Variants in LAMA4 observed in about 807,000 individuals in gnomAD.
LAMA4 encodes the protein laminin subunit alpha-4.
In LAMA4, 127 loss-of-function variants were observed where a neutral mutation model predicts 207.1. The observed-to-expected ratio is 0.61, with a 90% CI of 0.53 to 0.71. The LOEUF (loss-of-function observed/expected upper bound fraction) is 0.71, where lower values mean the gene tolerates loss of function less well. LAMA4 is among the 30% of genes least tolerant of loss of function. The pLI, the probability that LAMA4 is intolerant of heterozygous loss-of-function variation, is 0.00. For missense variants in LAMA4, 2,093 were observed against 2,246.5 expected (o/e 0.93, Z 1.38); for synonymous variants, 761 against 816.0 (o/e 0.93, Z 1.15).
Position 112,109,709 on chromosome 6 carries a change from A to T in LAMA4, c.5327-127T>A, listed in dbSNP as rs1438980553. ...ATGATTTACATTTCAAAAATAGAAC[A>T]TAGTTATAATTGACTCATTTCTCAG... On this transcript the variant is annotated intron_variant, in intron 38 of 38. Coordinates refer to ENST00000230538, the MANE Select transcript of LAMA4 (RefSeq NM_001105206.3). 5 of 953,354 alleles carry T rather than the reference A, an allele frequency of 5.2e-6. No homozygotes were observed. The Admixed American group carries it at 6.1e-5, about 12-fold the overall frequency. The allele number at this position is 953,354 out of a possible 1,614,324, so 59.1% of individuals were successfully genotyped here. A position where few individuals can be genotyped will look rare whatever the true frequency, so the allele number is the denominator to read the frequency against.
intron 2 of LAMA4, among the ~76,000 whole-genome samples, chr6:112,222,611 G>A (rs58543421): frequency 6.6e-6 from 1 of 152,114 alleles, no homozygotes; most frequent in South Asian, 2.1e-4. Context: ...TGGAGACAGG[G>A]TTATCACATG....
intron 19 of LAMA4, among the ~76,000 whole-genome samples, chr6:112,143,669 G>A (rs6911058): frequency 0.28 from 43,126 of 152,144 alleles, 6,414 homozygotes; most frequent in African/African-American, 0.38. Flanking sequence ...GTGCATGTCT[G>A]CATGAAAAGC....
At chr6:112,218,431 G>C (rs1170338225) in intron 2 of LAMA4, 2 of 152,200 alleles carry the variant, frequency 1.3e-5, no homozygotes, top group African/African-American at 4.8e-5. Context: ...CTCTCACAAT[G>C]CCTTGTATAT....
rs139035622 is a variant in LAMA4 at position 112,234,919 on chromosome 6, T to C, written c.196-18450A>G. 2.8e-3 allele frequency among the ~76,000 whole-genome samples: 433 copies of C among 152,294 alleles called. 2 individuals are homozygous for C. Among genetic ancestry groups the C allele is most frequent in the African/African-American group, 9.8e-3 (409 of 41,578 alleles). On this transcript the variant is annotated intron_variant, in intron 2 of 38. Coordinates refer to ENST00000230538, the MANE Select transcript of LAMA4 (RefSeq NM_001105206.3). Reference sequence around the variant, plus strand: ...ACAAATATCTTTGGATATCCAAATATCTTCGGATATCCAAATATCTTCGGA... The same window carrying C: ...ACAAATATCTTTGGATATCCAAATACCTTCGGATATCCAAATATCTTCGGA...
chr6:112,150,230 C>CACACAG (rs370823721), intron 17 of LAMA4, among the ~76,000 whole-genome samples: 1 of 137,626 alleles, frequency 7.3e-6, no homozygotes, highest in Non-Finnish European at 1.6e-5. Flanking sequence ...CACACACACA[C>CACACAG]ACACAGACAC....
In LAMA4 at chr6:112,198,744, G is replaced by C. The variant is rs78940105; in HGVS notation, c.503+2864C>G. ...CCGAGACTCAGGGAAATGAGCCAAC[G>C]TGTCCCAGGAACACAATCGGCAGTG... is the stretch of plus-strand genomic sequence containing the variant. On this transcript the variant is annotated intron_variant, in intron 5 of 38. Transcript: ENST00000230538. 3.7e-3 allele frequency among the ~76,000 whole-genome samples: 563 copies of C among 152,196 alleles called. 9 individuals are homozygous for C. The highest frequency in any genetic ancestry group is 0.013 in the African/African-American group (520 of 41,532).
chr6:112,133,465 G>A lies in LAMA4; in HGVS notation c.3580C>T (p.Leu1194=). 1.2e-6 allele frequency: 2 copies of A among 1,613,708 alleles called. No homozygotes were observed. Among genetic ancestry groups the A allele is most frequent in the Non-Finnish European group, 1.7e-6 (2 of 1,179,704 alleles). ...QSRALRAHLP[L]DINFRGCMKG... is the part of the protein sequence containing the mutation. Reference sequence around the variant, plus strand: ...ATGCATCCTCTGAAGTTGATATCTAGGGGAAGGTGTGCTCTGAGGGCCCTG... The same window carrying A: ...ATGCATCCTCTGAAGTTGATATCTAAGGGAAGGTGTGCTCTGAGGGCCCTG... Residue 1194 remains leucine, a synonymous_variant, in exon 27 of 39, where the codon CTA becomes TTA. Transcript: ENST00000230538.
chr6:112,200,080 A>T lies in LAMA4; in HGVS notation c.503+1528T>A, dbSNP rs1357645593. On this transcript the variant is annotated intron_variant, in intron 5 of 38. Transcript: ENST00000230538. The stretch of plus-strand genomic sequence containing the variant: ...AGACTCTTTGAGCAAAAGCCATTTT[A>T]TCTTACAACACTGCGAGCAGCTGGC... The T allele has an allele frequency of 9.4e-6, 5 of 530,748 alleles. No homozygotes were observed. In the African/African-American group the frequency reaches 9.7e-5, roughly 10 times the overall value. 32.9% of individuals were successfully genotyped at this position (530,748 alleles called of 1,614,324 possible). A position where few individuals can be genotyped will look rare whatever the true frequency, so the allele number is the denominator to read the frequency against.
intron 2 of LAMA4, among the ~76,000 whole-genome samples, chr6:112,246,195 T>G (rs1166937002): frequency 6.6e-6 from 1 of 152,148 alleles, no homozygotes; most frequent in Non-Finnish European, 1.5e-5. Context: ...TTTGCAAATA[T>G]GAGTAGGTAT....
At chr6:112,139,023 G>T in intron 24 of LAMA4, 97 bp downstream of exon 24, 1 of 1,189,818 alleles carries the variant, frequency 8.4e-7, no homozygotes, top group Non-Finnish European at 1.3e-6. Flanking sequence ...TCAGTTTGAT[G>T]GCATGACACA....
chr6:112,247,078 T>C (rs1432022595), intron 2 of LAMA4, among the ~76,000 whole-genome samples: 1 of 151,772 alleles, frequency 6.6e-6, no homozygotes, highest in African/African-American at 2.4e-5. Context: ...GAGCTTTACC[T>C]GAAGATAGAC....
At chr6:112,186,541 G>T (rs1430303789) in intron 8 of LAMA4, among the ~76,000 whole-genome samples, 1 of 152,162 alleles carries the variant, frequency 6.6e-6, no homozygotes, top group Non-Finnish European at 1.5e-5. Flanking sequence ...GTCATCCCTT[G>T]GTAGTTGTGG....
chr6:112,143,892 T>C (rs1405755980), intron 19 of LAMA4, among the ~76,000 whole-genome samples: 1 of 152,210 alleles, frequency 6.6e-6, no homozygotes, highest in African/African-American at 2.4e-5. Context: ...CTGGGGCATC[T>C]AAATAAGGTA....
At chr6:112,189,486 G>A (rs1554347839) in intron 6 of LAMA4, among the ~76,000 whole-genome samples, 1 of 152,186 alleles carries the variant, frequency 6.6e-6, no homozygotes, top group East Asian at 1.9e-4. Context: ...TGACATGACA[G>A]TGCAATTGCT....
chr6:112,236,647 C>A (rs1785943957), intron 2 of LAMA4: 2 of 152,178 alleles, frequency 1.3e-5, no homozygotes, highest in Non-Finnish European at 2.9e-5. Flanking sequence ...AGGTATACTG[C>A]AGATATGTTA....
At chr6:112,182,028 C>T (rs527248942) in intron 9 of LAMA4, among the ~76,000 whole-genome samples, 3 of 152,182 alleles carry the variant, frequency 2.0e-5, no homozygotes, top group South Asian at 2.1e-4. Context: ...ACCCAGGAGG[C>T]AGAGGTTGCA....
At chr6:112,151,689 T>G (rs1232628202) in intron 16 of LAMA4, among the ~76,000 whole-genome samples, 1 of 152,124 alleles carries the variant, frequency 6.6e-6, no homozygotes, top group African/African-American at 2.4e-5. Flanking sequence ...TTAAATCGGA[T>G]TTTTACACAT....
chr6:112,158,670 T>C, intron 14 of LAMA4, 62 bp downstream of exon 14: 1 of 1,444,282 alleles, frequency 6.9e-7, no homozygotes. Context: ...ACATATGGAA[T>C]TGAATAGTAA....
chr6:112,247,538 A>T (rs1787073163), intron 2 of LAMA4, among the ~76,000 whole-genome samples: 2 of 152,190 alleles, frequency 1.3e-5, no homozygotes, highest in Admixed American at 1.3e-4. Flanking sequence ...AAACAAAACC[A>T]GAAGACCTGG....
Sources: gnomAD v4.1 joint callset for allele counts (sites outside exome capture counted in the v4.1 genomes callset) on GRCh38, gnomAD v4.1.1 for gene constraint, MANE v1.5 for transcripts, NCBI Gene and HGNC (gene_info 2026-07-23, HGNC 2026-07-21) for gene names.